CCSER1: variants seen among roughly 807,000 people sequenced by gnomAD.
CCSER1 encodes serine-rich coiled-coil domain-containing protein 1.
In CCSER1, 41 loss-of-function variants were observed where a neutral mutation model predicts 82.0. The ratio of observed to expected loss-of-function variants is 0.50; its 90% CI spans 0.39 to 0.65. The LOEUF (loss-of-function observed/expected upper bound fraction) is 0.65. Ranked by LOEUF, CCSER1 falls within the 30% of genes least tolerant of loss-of-function variation. The pLI is 0.00. For missense variants in CCSER1, 1,119 were observed against 1,064.2 expected, an observed-to-expected ratio of 1.05 and a Z score of -0.72; for synonymous variants, 414 against 383.9, an observed-to-expected ratio of 1.08 and a Z score of -0.92.
At chr4:91,415,803 C>T (rs565351745) in intron 10 of CCSER1, among the ~76,000 whole-genome samples, 4 of 152,070 alleles carry the variant, frequency 2.6e-5, no homozygotes, top group African/African-American at 4.8e-5. Context: ...TGCTGGATTT[C>T]GTTTGCCAGT....
intron 9 of CCSER1, among the ~76,000 whole-genome samples, chr4:91,057,928 T>C (rs1376773625): frequency 6.6e-6 from 1 of 152,160 alleles, no homozygotes; most frequent in East Asian, 1.9e-4. Context: ...ACTCATTAAA[T>C]AAATGGCCAA....
intron 3 of CCSER1, among the ~76,000 whole-genome samples, chr4:90,384,602 C>A (rs746355300): frequency 6.6e-6 from 1 of 151,986 alleles, no homozygotes. Flanking sequence ...AACTTCTTAC[C>A]GGCCTGAAAG....
At chr4:90,527,392 G>A (rs1773924639) in intron 5 of CCSER1, among the ~76,000 whole-genome samples, 1 of 152,148 alleles carries the variant, frequency 6.6e-6, no homozygotes, top group Admixed American at 6.5e-5. Flanking sequence ...AAACCACAAT[G>A]AGATATCATC....
At chr4:91,317,772 C>A (rs1745934097) in intron 10 of CCSER1, among the ~76,000 whole-genome samples, 3 of 151,848 alleles carry the variant, frequency 2.0e-5, no homozygotes, top group Admixed American at 2.0e-4. Context: ...TGACACGATG[C>A]TTTCCCAGAA....
At chr4:90,766,325 A>G (rs1751210857) in intron 7 of CCSER1, among the ~76,000 whole-genome samples, 2 of 152,280 alleles carry the variant, frequency 1.3e-5, no homozygotes, top group Admixed American at 1.3e-4. Flanking sequence ...TTATGCAGAA[A>G]TTTTATTTAC....
rs115264539 is a variant in CCSER1 at position 91,185,463 on chromosome 4, C to T, written c.2217+99469C>T. The stretch of plus-strand genomic sequence containing the variant: ...TCCTCCACAGACTCCTGTTAGGGAC[C>T]TTTTGTGGGGGTTCCCCAGGCAGAA... On this transcript the variant is annotated intron_variant, in intron 10 of 10. Coordinates refer to ENST00000509176, the MANE Select transcript of CCSER1 (RefSeq NM_001145065.2). Among the ~76,000 whole-genome samples, 744 of 152,310 alleles carry T rather than the reference C, an allele frequency of 4.9e-3. 6 individuals carry two copies. The highest frequency in any genetic ancestry group is 0.017 in the African/African-American group (701 of 41,576).
chr4:90,697,303 G>A (rs894175210), intron 6 of CCSER1, among the ~76,000 whole-genome samples: 4 of 152,114 alleles, frequency 2.6e-5, no homozygotes, highest in Non-Finnish European at 5.9e-5. Flanking sequence ...TCAGAAGCCT[G>A]CGCAAGATTG....
chr4:90,414,082 ATAT>A (rs1339299173), intron 4 of CCSER1, among the ~76,000 whole-genome samples: 1 of 143,154 alleles, frequency 7.0e-6, no homozygotes, highest in Non-Finnish European at 1.5e-5. Flanking sequence ...CAGTAAGTGG[ATAT>A]TATTATTTTT....
intron 1 of CCSER1, among the ~76,000 whole-genome samples, chr4:90,180,388 A>G (rs1021741257): frequency 6.6e-6 from 1 of 152,044 alleles, no homozygotes; most frequent in East Asian, 1.9e-4. Flanking sequence ...CAGGAGTTCG[A>G]GACCAGACTG....
intron 10 of CCSER1, among the ~76,000 whole-genome samples, chr4:91,401,388 A>G (rs1028893380): frequency 3.4e-5 from 5 of 148,306 alleles, no homozygotes; most frequent in African/African-American, 9.8e-5. Context: ...TAACATATCA[A>G]TATAATATAT....
At chr4:90,364,065 A>G (rs1189228912) in intron 3 of CCSER1, among the ~76,000 whole-genome samples, 2 of 152,066 alleles carry the variant, frequency 1.3e-5, no homozygotes, top group Non-Finnish European at 2.9e-5. Flanking sequence ...GCTTTAGTAA[A>G]TTGGGTTTAC....
At chr4:90,638,479 AGTTATTTTCCCTCATT>A (rs1407391374) in intron 6 of CCSER1, among the ~76,000 whole-genome samples, 2 of 152,148 alleles carry the variant, frequency 1.3e-5, no homozygotes, top group African/African-American at 2.4e-5. Context: ...AATTATTACA[AGTTATTTTCCCTCATT>A]GTTAGAATAA....
chr4:90,566,457 C>G (rs981809249), intron 5 of CCSER1, among the ~76,000 whole-genome samples: 6 of 151,534 alleles, frequency 4.0e-5, no homozygotes, highest in Non-Finnish European at 7.4e-5. Context: ...GCTAAGCCAT[C>G]AGTTCCTGGG....
At chr4:90,623,704 C>G (rs969259424) in intron 5 of CCSER1, among the ~76,000 whole-genome samples, 2 of 152,064 alleles carry the variant, frequency 1.3e-5, no homozygotes, top group African/African-American at 4.8e-5. Flanking sequence ...TCTGGAAATA[C>G]GATGAAACAT....
At chr4:90,706,046 C>T (rs946292816) in intron 6 of CCSER1, among the ~76,000 whole-genome samples, 4 of 152,184 alleles carry the variant, frequency 2.6e-5, no homozygotes, top group African/African-American at 7.2e-5. Flanking sequence ...ATGCAGAAAT[C>T]GCCCATCTTC....
At chr4:91,236,198 A>G (rs780302321) in intron 10 of CCSER1, among the ~76,000 whole-genome samples, 14 of 152,192 alleles carry the variant, frequency 9.2e-5, no homozygotes, top group South Asian at 2.1e-4. Flanking sequence ...ATATAAAAAA[A>G]TACTTTCAGC....
intron 1 of CCSER1, among the ~76,000 whole-genome samples, chr4:90,294,327 A>G (rs1382673881): frequency 3.9e-5 from 6 of 152,066 alleles, no homozygotes; most frequent in Non-Finnish European, 8.8e-5. Flanking sequence ...CCTGGGCAAT[A>G]TAGCGAGACC....
intron 6 of CCSER1, among the ~76,000 whole-genome samples, chr4:90,691,682 T>A (rs1270854528): frequency 4.3e-5 from 6 of 140,412 alleles, no homozygotes; most frequent in Non-Finnish European, 4.7e-5. Flanking sequence ...TGTATCTATG[T>A]GTATATATAT....
In CCSER1 at chr4:91,010,810, G is replaced by A. The variant is rs961309753; in HGVS notation, c.2173-75140G>A. Among the ~76,000 whole-genome samples the A allele has an allele frequency of 1.5e-5, 2 of 133,898 alleles. 1 individual carries two copies. The highest frequency in any genetic ancestry group is 5.0e-5 in the African/African-American group (2 of 40,208). The allele number at this position is 133,898 out of a possible 152,430, so 87.8% of individuals were successfully genotyped here. The stretch of plus-strand genomic sequence containing the variant: ...TTGCTAAATTTATCATTCAGATAAT[G>A]AATTGTTTTCTGGATTTCATTAAAT... On this transcript the variant is annotated intron_variant, in intron 9 of 10. Coordinates refer to ENST00000509176, the MANE Select transcript of CCSER1 (RefSeq NM_001145065.2).
Sources: gnomAD v4.1 joint callset for allele counts (sites outside exome capture counted in the v4.1 genomes callset) on GRCh38, gnomAD v4.1.1 for gene constraint, MANE v1.5 for transcripts, NCBI Gene and HGNC (gene_info 2026-07-23, HGNC 2026-07-21) for gene names.